Variants in GOLGA4 observed in about 807,000 individuals in gnomAD.
The protein encoded by GOLGA4 is golgin A4.
A neutral mutation model predicts 265.9 loss-of-function variants in GOLGA4; 169 were observed. The observed-to-expected ratio is 0.64, with a 90% CI of 0.56 to 0.72. GOLGA4 has a LOEUF of 0.72. Ranked by LOEUF, GOLGA4 falls within the 30% of genes least tolerant of loss-of-function variation. The pLI is 0.00. For synonymous variants in GOLGA4, 923 were observed against 855.8 expected (o/e 1.08, Z -1.37); for missense variants, 2,482 against 2,483.4 (o/e 1.00, Z 0.01).
chr3:37,262,192 C>T (rs925844684), intron 2 of GOLGA4, among the ~76,000 whole-genome samples: 1 of 151,992 alleles, frequency 6.6e-6, no homozygotes, highest in Admixed American at 6.6e-5. Flanking sequence ...TAGATGGATA[C>T]GAAAAATAAC....
chr3:37,288,361 G>A (rs1377762663), intron 4 of GOLGA4, among the ~76,000 whole-genome samples: 9 of 151,044 alleles, frequency 6.0e-5, no homozygotes, highest in Admixed American at 2.6e-4. Flanking sequence ...CGCCTGCCTC[G>A]GCCTCCCAAA....
At chr3:37,341,558 C>T (rs2097034090) in intron 20 of GOLGA4, 1 of 152,168 alleles carries the variant, frequency 6.6e-6, no homozygotes, top group Admixed American at 6.5e-5. Context: ...CTGGAAATTT[C>T]CTATGCTCAC....
intron 2 of GOLGA4, among the ~76,000 whole-genome samples, chr3:37,268,233 C>T (rs1412955927): frequency 6.6e-6 from 1 of 152,020 alleles, no homozygotes; most frequent in Non-Finnish European, 1.5e-5. Context: ...AGACATATGC[C>T]ACCATGCCCA....
In GOLGA4 at chr3:37,327,498, G is replaced by A. The variant is rs778906221; in HGVS notation, c.5612G>A (p.Arg1871Lys). Residue 1871 changes from arginine (R) to lysine (K), a missense_variant, in exon 14 of 24, where the codon AGA becomes AAA. Arg to Lys is a conservative substitution (Grantham distance 26). Coordinates refer to ENST00000361924, the MANE Select transcript of GOLGA4 (RefSeq NM_002078.5). ...TTAGTAAGACAGAAAGAAGTACATA[G>A]AGTTGAAATGGAAGAGTTGACCTCA... Reference protein sequence around the residue: ...SCLVRQKEVHRVEMEELTSKY... With the variant: ...SCLVRQKEVHKVEMEELTSKY... 6.2e-7 allele frequency: 1 copy of A among 1,613,228 alleles called. No homozygotes were observed. The highest frequency in any genetic ancestry group is 1.7e-5 in the Admixed American group (1 of 59,986).
intron 21 of GOLGA4, among the ~76,000 whole-genome samples, chr3:37,352,954 G>A (rs1314775822): frequency 6.6e-6 from 1 of 152,040 alleles, no homozygotes; most frequent in East Asian, 1.9e-4. Flanking sequence ...TTCAGAGTGA[G>A]AGGCATGCGA....
In GOLGA4 at chr3:37,324,196, G is replaced by A; in HGVS notation, c.2310G>A (p.Lys770=). The change falls in exon 14 of 24, where the codon AAG becomes AAA. Residue 770 remains lysine, a synonymous_variant. Transcript: ENST00000361924. ...AGCTTCTCTTGAAGGAAAGGGACAA[G>A]CATTTGAAAGAGCATCAGGCTCATG... is the stretch of plus-strand genomic sequence containing the variant. ...QLELLLKERD[K]HLKEHQAHVE... is the part of the protein sequence containing the mutation. 1 of 1,614,178 alleles carries A rather than the reference G, an allele frequency of 6.2e-7. No individual in the cohort carries two copies. The highest frequency in any genetic ancestry group is 8.5e-7 in the Non-Finnish European group (1 of 1,180,030).
Position 37,325,799 on chromosome 3 carries a change from C to T in GOLGA4, c.3913C>T (p.Gln1305Ter). The T allele has an allele frequency of 6.2e-7, 1 of 1,612,786 alleles. No individual in the cohort carries two copies. The highest frequency in any genetic ancestry group is 8.5e-7 in the Non-Finnish European group (1 of 1,179,292). Residue 1305 changes from glutamine to a stop codon, truncating the protein, a stop_gained, in exon 14 of 24, where the codon CAA (glutamine) becomes TAA (stop). Transcript: ENST00000361924. LOFTEE classifies it high-confidence loss of function. ...ATHQLEEKENQIKSMKADIES... is the reference protein window; with the variant it reads ...ATHQLEEKEN The stretch of plus-strand genomic sequence containing the variant: ...TCATCAGTTAGAAGAAAAAGAAAAT[C>T]AAATTAAGAGCATGAAGGCTGATAT...
chr3:37,342,069 G>A (rs1039307934), intron 20 of GOLGA4, among the ~76,000 whole-genome samples: 1 of 152,080 alleles, frequency 6.6e-6, no homozygotes, highest in Non-Finnish European at 1.5e-5. Flanking sequence ...GAGGCCGGGT[G>A]GGGTGGCTCA....
At chr3:37,268,581 T>G (rs982358422) in intron 2 of GOLGA4, among the ~76,000 whole-genome samples, 7 of 152,134 alleles carry the variant, frequency 4.6e-5, no homozygotes, top group Non-Finnish European at 1.0e-4. Flanking sequence ...TTTTTTTTCT[T>G]TTGAGAGAGA....
At chr3:37,304,121 TG>T (rs2096900207) in intron 10 of GOLGA4, among the ~76,000 whole-genome samples, 1 of 152,108 alleles carries the variant, frequency 6.6e-6, no homozygotes, top group Non-Finnish European at 1.5e-5. Flanking sequence ...TCATAGGAAT[TG>T]TGGATAGTTT....
chr3:37,320,748 T>C (rs1273838126), intron 12 of GOLGA4, among the ~76,000 whole-genome samples: 5 of 152,214 alleles, frequency 3.3e-5, no homozygotes, highest in African/African-American at 1.2e-4. Context: ...TAACTGACCT[T>C]TGGGGACACT....
intron 3 of GOLGA4, among the ~76,000 whole-genome samples, 194 bp from the exon 4 acceptor site, chr3:37,285,820 C>G (rs1339121920): frequency 6.6e-6 from 1 of 152,264 alleles, no homozygotes; most frequent in Non-Finnish European, 1.5e-5. Context: ...GATTTAACGT[C>G]TGTCAAATTT....
intron 14 of GOLGA4, among the ~76,000 whole-genome samples, 183 bp from the exon 15 acceptor site, chr3:37,328,233 G>GAGACACACAC (rs2096978149): frequency 7.2e-6 from 1 of 138,440 alleles, no homozygotes; most frequent in South Asian, 2.4e-4. Flanking sequence ...TATGTACCTG[G>GAGACACACAC]ACACACACAC....
intron 21 of GOLGA4, among the ~76,000 whole-genome samples, chr3:37,351,023 C>G (rs1432924283): frequency 6.6e-6 from 1 of 152,082 alleles, no homozygotes; most frequent in Middle Eastern, 3.2e-3. Flanking sequence ...GTTGACACTT[C>G]CTTTCATGAG....
chr3:37,267,964 C>G (rs139179577), intron 2 of GOLGA4, among the ~76,000 whole-genome samples: 2 of 152,236 alleles, frequency 1.3e-5, no homozygotes, highest in East Asian at 3.9e-4. Context: ...TAGCTTGGGT[C>G]TCAGGGAAAA....
At chr3:37,277,179 GTAAC>G (rs2096821668) in intron 2 of GOLGA4, among the ~76,000 whole-genome samples, 4 of 152,148 alleles carry the variant, frequency 2.6e-5, no homozygotes, top group African/African-American at 9.7e-5. Flanking sequence ...TTTTGCATCT[GTAAC>G]TAACCGTGAT....
chr3:37,353,784 G>T (rs370534732), intron 21 of GOLGA4, among the ~76,000 whole-genome samples: 2 of 152,052 alleles, frequency 1.3e-5, no homozygotes, highest in East Asian at 1.9e-4. Flanking sequence ...AGAGATGGGG[G>T]TCTCACTATG....
Position 37,333,425 on chromosome 3 carries a change from G to A in GOLGA4, c.6193-1628G>A, listed in dbSNP as rs561660541. On this transcript the variant is annotated intron_variant, in intron 16 of 23. Coordinates refer to ENST00000361924, the MANE Select transcript of GOLGA4 (RefSeq NM_002078.5). The stretch of plus-strand genomic sequence containing the variant: ...ATAAGACTAGAAGGCTTTTATAAAG[G>A]AAATTACATAACTGTTCCTTAAATT... Among the ~76,000 whole-genome samples the A allele has an allele frequency of 6.6e-5, 10 of 152,016 alleles. No homozygotes were observed. In the South Asian group the frequency reaches 2.1e-3, roughly 32 times the overall value.
At chr3:37,299,525 A>G (rs2096887294) in intron 9 of GOLGA4, among the ~76,000 whole-genome samples, 154 bp downstream of exon 9, 1 of 152,206 alleles carries the variant, frequency 6.6e-6, no homozygotes, top group South Asian at 2.1e-4. Context: ...TTTTGTAACT[A>G]CTAGCATTAG....
Sources: gnomAD v4.1 joint callset for allele counts (sites outside exome capture counted in the v4.1 genomes callset) on GRCh38, gnomAD v4.1.1 for gene constraint, MANE v1.5 for transcripts, NCBI Gene and HGNC (gene_info 2026-07-23, HGNC 2026-07-21) for gene names.